Variants in SLC35A2 observed in about 807,000 individuals in gnomAD.
SLC35A2 encodes the protein UDP-galactose translocator.
SLC35A2 carries 1 observed loss-of-function variant against 17.3 expected under a neutral mutation model. That is an observed-to-expected ratio of 0.06 (90% confidence interval 0.02 to 0.27). SLC35A2 has a LOEUF of 0.27. Ranked by LOEUF, SLC35A2 falls within the 10% of genes least tolerant of loss-of-function variation. The probability of loss-of-function intolerance (pLI) is 1.00; values close to 1 mark genes in which losing one functional copy is unlikely to be tolerated. For synonymous variants in SLC35A2, 161 were observed against 161.3 expected, an observed-to-expected ratio of 1.00 and a Z score of 0.01; for missense variants, 191 against 339.3, an observed-to-expected ratio of 0.56 and a Z score of 3.43.
intron 2 of SLC35A2, among the ~76,000 whole-genome samples, chrX:48,908,023 A>AAAAC (rs1455304590): frequency 9.1e-6 from 1 of 109,323 alleles, no homozygotes; most frequent in Non-Finnish European, 1.9e-5. Context: ...ACTCCATTTC[A>AAAAC]AAACAAACAA....
upstream of SLC35A2, chrX:48,911,683 C>A: frequency 1.7e-6 from 2 of 1,153,679 alleles, no homozygotes; most frequent in Non-Finnish European, 2.3e-6. Flanking sequence ...AAAACCACTT[C>A]CGCGTTCGTC....
chrX:48,909,878 A>G lies in SLC35A2; in HGVS notation c.210T>C (p.Ala70=). 8.3e-7 allele frequency: 1 copy of G among 1,210,042 alleles called. No individual in the cohort carries two copies. The highest frequency in any genetic ancestry group is 1.1e-6 in the Non-Finnish European group (1 of 894,280). ...CTTTGAGCACTTCCGCCATGACCAC[A>G]GCAGTGGTGGCAAAGAAGCGGTCCC... is the stretch of plus-strand genomic sequence containing the variant. ...LPGDRFFATT[A]VVMAEVLKGL... The change falls in exon 2 of 5, where the codon GCT becomes GCC. Residue 70 remains alanine (A), a synonymous_variant. Coordinates refer to ENST00000247138, the MANE Select transcript of SLC35A2 (RefSeq NM_005660.3).
Position 48,911,610 on chromosome X carries a change from G to A in SLC35A2, c.27C>T (p.Ser9=). The change falls in exon 1 of 5, where the codon TCC becomes TCT. Residue 9 remains serine, a synonymous_variant. Coordinates refer to ENST00000247138, the MANE Select transcript of SLC35A2 (RefSeq NM_005660.3). MAAVGAGG[S]TAAPGPGAVS... ...CCGCCCCTGGCCCGGGCGCCGCGGT[G>A]GAACCACCAGCCCCAACCGCTGCCA... 1.7e-6 allele frequency: 2 copies of A among 1,164,356 alleles called. No individual in the cohort carries two copies. The highest frequency in any genetic ancestry group is 2.3e-6 in the Non-Finnish European group (2 of 874,769).
At chrX:48,910,411 C>T in intron 1 of SLC35A2, 1 of 547,751 alleles carries the variant, frequency 1.8e-6, no homozygotes, top group Non-Finnish European at 2.8e-6. Flanking sequence ...CTATGGATTA[C>T]CTCAATAGAC....
chrX:48,906,912 G>GT (rs1432604575), intron 2 of SLC35A2, among the ~76,000 whole-genome samples: 5 of 112,220 alleles, frequency 4.5e-5, no homozygotes, highest in Non-Finnish European at 5.6e-5. Flanking sequence ...GCTCACGCCT[G>GT]TAATCCCAGC....
rs1557044094 is a variant in SLC35A2, at chrX:48,911,591, C to A, written c.46G>T (p.Gly16Trp). Residue 16 changes from glycine to tryptophan, a missense_variant, in exon 1 of 5, where the codon GGG becomes TGG. Coordinates refer to ENST00000247138, the MANE Select transcript of SLC35A2 (RefSeq NM_005660.3). ...TCCAATGCACCCGCGGAAACCGCCCCTGGCCCGGGCGCCGCGGTGGAACCA... is the reference window on the plus strand; with the variant it reads ...TCCAATGCACCCGCGGAAACCGCCCATGGCCCGGGCGCCGCGGTGGAACCA... ...AGGSTAAPGP[G>W]AVSAGALEPG... The A allele has an allele frequency of 8.6e-7, 1 of 1,165,312 alleles. No homozygotes were observed. The highest frequency in any genetic ancestry group is 1.1e-6 in the Non-Finnish European group (1 of 875,246).
At chrX:48,910,043 G>T (rs782096301) in intron 1 of SLC35A2, 47 bp from the exon 2 acceptor site, 1 of 1,086,194 alleles carries the variant, frequency 9.2e-7, no homozygotes, top group Non-Finnish European at 1.3e-6. Context: ...GTCAGAAGCC[G>T]CTGGGGCATA....
chrX:48,904,780 G>A lies in SLC35A2; in HGVS notation c.1129C>T (p.Arg377Cys), dbSNP rs782483874. ...QPPPPQLSSH[R>C]GDLITEPFLP... ...AAGGGCTCCGTGATGAGGTCTCCAC[G>A]GTGGGAAGACAGCTGCGGTGGTGGT... The change falls in exon 4 of 5, where the codon CGT becomes TGT. Residue 377 changes from arginine (R) to cysteine (C), a missense_variant. Transcript: ENST00000247138. 1.1e-5 allele frequency: 13 copies of A among 1,209,677 alleles called. No individual in the cohort carries two copies. The highest frequency in any genetic ancestry group is 1.7e-5 in the African/African-American group (1 of 57,221).
At chrX:48,911,710 C>T, upstream of SLC35A2, 1 of 1,154,759 alleles carries the variant, frequency 8.7e-7, no homozygotes, top group Non-Finnish European at 1.2e-6. Flanking sequence ...GCTGCCGGGC[C>T]ACCTGAGTGA....
chrX:48,904,608 A>C, intron 4 of SLC35A2, 138 bp downstream of exon 4: 1 of 1,204,115 alleles, frequency 8.3e-7, no homozygotes, highest in Non-Finnish European at 1.1e-6. Flanking sequence ...CTGGGAGAAA[A>C]GACCATCTCC....
intron 2 of SLC35A2, 93 bp from the exon 3 acceptor site, chrX:48,906,636 C>T: frequency 5.0e-6 from 4 of 807,455 alleles, no homozygotes; most frequent in Non-Finnish European, 7.3e-6. Context: ...TGTGACTCCC[C>T]CATCCACCCT....
chrX:48,910,362 G>A (rs1557043821), intron 1 of SLC35A2: 5 of 929,258 alleles, frequency 5.4e-6, no homozygotes, highest in South Asian at 2.4e-5. Context: ...CACGTTTATT[G>A]AGTGTTTACT....
In SLC35A2 at chrX:48,906,327, T is replaced by C. The variant is rs150846056; in HGVS notation, c.426+65A>G. On this transcript the variant is annotated intron_variant, in intron 3 of 4. Transcript: ENST00000247138. ...CCTCTGCAACACCCCCCCACCACGC[T>C]ATTCCCATACTCCAGTCCCCAACCC... 841 of 1,055,399 alleles carry C rather than the reference T, an allele frequency of 8.0e-4. 4 individuals are homozygous for C. In the African/African-American group the frequency reaches 0.014, roughly 18 times the overall value. 87.0% of individuals were successfully genotyped at this position (1,055,399 alleles called of 1,213,427 possible). A position where few individuals can be genotyped will look rare whatever the true frequency, so the allele number is the denominator to read the frequency against.
chrX:48,910,311 A>C, intron 1 of SLC35A2: 2 of 1,129,828 alleles, frequency 1.8e-6, no homozygotes, highest in Non-Finnish European at 2.3e-6. Context: ...CCAAGTGAGA[A>C]GCAACTCTTC....
chrX:48,905,917 C>A, intron 3 of SLC35A2: 1 of 276,619 alleles, frequency 3.6e-6, no homozygotes, highest in South Asian at 8.6e-5. Flanking sequence ...CTAGGCACTG[C>A]ACGTGAATTC....
chrX:48,910,003 G>C lies in SLC35A2; in HGVS notation c.92-7C>G, dbSNP rs1557043678. On this transcript the variant is annotated splice_region_variant and splice_polypyrimidine_tract_variant and intron_variant, in intron 1 of 4. Transcript: ENST00000247138. ...TACTTCAGGCGCCTGTGAGCTGTGG[G>C]GAACGGAAGGGGCAAGGGGGAAGGA... 5.0e-6 allele frequency: 6 copies of C among 1,201,430 alleles called. No individual in the cohort carries two copies. Among genetic ancestry groups the C allele is most frequent in the Non-Finnish European group, 5.6e-6 (5 of 888,538 alleles).
chrX:48,906,109 T>C, intron 3 of SLC35A2: 2 of 424,284 alleles, frequency 4.7e-6, no homozygotes. Flanking sequence ...TCTTTAACCA[T>C]TTCACAAAGC....
At chrX:48,904,092 C>G in intron 4 of SLC35A2, 1 of 763,875 alleles carries the variant, frequency 1.3e-6, no homozygotes, top group Non-Finnish European at 1.5e-6. Context: ...ACAAATGGCC[C>G]CTACCACACC....
chrX:48,909,471 A>G (rs926786820), intron 2 of SLC35A2, among the ~76,000 whole-genome samples: 4 of 113,024 alleles, frequency 3.5e-5, no homozygotes, highest in African/African-American at 1.3e-4. Flanking sequence ...TGAGTTGCTA[A>G]TTGCTGACTC....
Sources: allele counts gnomAD v4.1 joint callset (sites outside exome capture counted in the v4.1 genomes callset), GRCh38; gene constraint gnomAD v4.1.1; transcripts MANE v1.5; gene names NCBI Gene and HGNC (gene_info 2026-07-23, HGNC 2026-07-21).